Variants in CHRM2 observed in about 807,000 individuals in gnomAD.
CHRM2 encodes the protein muscarinic acetylcholine receptor M2.
A neutral mutation model predicts 25.0 loss-of-function variants in CHRM2; 8 were observed. The observed-to-expected ratio is 0.32, with a 90% CI of 0.19 to 0.58. CHRM2 has a LOEUF of 0.58. Ranked by LOEUF, CHRM2 falls within the 20% of genes least tolerant of loss-of-function variation. The probability of loss-of-function intolerance (pLI) is 0.88; values close to 1 mark genes in which losing one functional copy is unlikely to be tolerated. For missense variants in CHRM2, 440 were observed against 567.1 expected, an observed-to-expected ratio of 0.78 and a Z score of 2.28; for synonymous variants, 202 against 205.7, an observed-to-expected ratio of 0.98 and a Z score of 0.15.
At chr7:136,919,475 C>T (rs1346373009) in intron 2 of CHRM2, among the ~76,000 whole-genome samples, 3 of 152,116 alleles carry the variant, frequency 2.0e-5, no homozygotes, top group African/African-American at 7.2e-5. Context: ...CGAATATGCT[C>T]TTACTAACTT....
intron 2 of CHRM2, among the ~76,000 whole-genome samples, chr7:136,927,918 GA>G (rs1230258371): frequency 2.0e-5 from 3 of 152,128 alleles, no homozygotes; most frequent in Non-Finnish European, 2.9e-5. Context: ...ACAGAATTAT[GA>G]AATTTGGAGT....
At chr7:136,886,174 T>C (rs1456285878) in intron 2 of CHRM2, among the ~76,000 whole-genome samples, 1 of 152,200 alleles carries the variant, frequency 6.6e-6, no homozygotes, top group Non-Finnish European at 1.5e-5. Flanking sequence ...GAATCACAGG[T>C]AGATTGTTAG....
chr7:136,985,434 C>T (rs1265926956), intron 2 of CHRM2, among the ~76,000 whole-genome samples: 2 of 143,006 alleles, frequency 1.4e-5, no homozygotes, highest in South Asian at 2.3e-4. Flanking sequence ...CGCTTGAACC[C>T]GGCAGGCGAA....
At chr7:136,883,354 T>C (rs940443729) in intron 2 of CHRM2, among the ~76,000 whole-genome samples, 1 of 152,192 alleles carries the variant, frequency 6.6e-6, no homozygotes. Context: ...TGTGTCATTG[T>C]TAGTTTACCC....
chr7:136,911,563 A>C (rs1023182217), intron 2 of CHRM2, among the ~76,000 whole-genome samples: 2 of 151,948 alleles, frequency 1.3e-5, no homozygotes, highest in Non-Finnish European at 2.9e-5. Flanking sequence ...ATCTTCACGT[A>C]CATACTGGGT....
intron 2 of CHRM2, among the ~76,000 whole-genome samples, chr7:136,985,981 A>T (rs1403148642): frequency 1.3e-5 from 2 of 152,184 alleles, no homozygotes; most frequent in Non-Finnish European, 2.9e-5. Flanking sequence ...GGAGAGGGGG[A>T]TCTTAAGCAT....
chr7:136,889,753 A>C (rs1018291957), intron 2 of CHRM2, among the ~76,000 whole-genome samples: 4 of 152,244 alleles, frequency 2.6e-5, no homozygotes, highest in African/African-American at 9.6e-5. Flanking sequence ...TTAGATTCAG[A>C]TAGAACCTCC....
At chr7:136,992,855 G>A (rs955662554) in intron 3 of CHRM2, among the ~76,000 whole-genome samples, 21 of 152,046 alleles carry the variant, frequency 1.4e-4, no homozygotes, top group Non-Finnish European at 2.9e-5. Context: ...CACAGGAGTT[G>A]GTGTTGCAAT....
chr7:136,902,267 C>A (rs1033485315), intron 2 of CHRM2: 3 of 151,930 alleles, frequency 2.0e-5, no homozygotes, highest in Non-Finnish European at 4.4e-5. Context: ...ATCCACCTAG[C>A]TATCCTTCTA....
chr7:136,972,641 A>G (rs1234846277), intron 2 of CHRM2, among the ~76,000 whole-genome samples: 3 of 152,342 alleles, frequency 2.0e-5, no homozygotes, highest in Middle Eastern at 3.4e-3. Flanking sequence ...GCTTGTGACC[A>G]ATGTCTGCAT....
At chr7:136,926,800 C>T (rs1798774463) in intron 2 of CHRM2, among the ~76,000 whole-genome samples, 1 of 152,176 alleles carries the variant, frequency 6.6e-6, no homozygotes, top group Non-Finnish European at 1.5e-5. Context: ...GCTTGCAATG[C>T]CTCCTGATGG....
chr7:136,964,396 T>C (rs1354956602), intron 2 of CHRM2, among the ~76,000 whole-genome samples: 3 of 152,182 alleles, frequency 2.0e-5, no homozygotes, highest in Admixed American at 6.6e-5. Context: ...TAAACTTCTA[T>C]GACCTCTGGA....
rs114451684 is a variant in CHRM2, at chr7:136,989,898, G to A, written c.-124-2289G>A. Among the ~76,000 whole-genome samples, 1,151 of 152,100 alleles carry A rather than the reference G, an allele frequency of 7.6e-3. 13 individuals are homozygous for A. The highest frequency in any genetic ancestry group is 0.026 in the African/African-American group (1,090 of 41,530). On this transcript the variant is annotated intron_variant, in intron 2 of 3. Coordinates refer to ENST00000680005, the MANE Select transcript of CHRM2 (RefSeq NM_001006630.2). ...TGAGTTTCTTAAGCAGAGCGCATACGTTTTCAACAGTTCAACTTCTTTCTG... is the reference window on the plus strand; with the variant it reads ...TGAGTTTCTTAAGCAGAGCGCATACATTTTCAACAGTTCAACTTCTTTCTG...
chr7:136,893,246 C>T (rs1008868356), intron 2 of CHRM2, among the ~76,000 whole-genome samples: 1 of 152,084 alleles, frequency 6.6e-6, no homozygotes, highest in Non-Finnish European at 1.5e-5. Context: ...TTCCCTAATC[C>T]GGTGGTCTTT....
Position 136,892,538 on chromosome 7 carries a change from T to C in CHRM2, c.-125+23120T>C, listed in dbSNP as rs117674000. On this transcript the variant is annotated intron_variant, in intron 2 of 3. Coordinates refer to ENST00000680005, the MANE Select transcript of CHRM2 (RefSeq NM_001006630.2). Reference sequence around the variant, plus strand: ...AAAACAACCAAAGCAAACAAACAGGTGTTAATGAGTTCATTTGGGCCCAAG... The same window carrying C: ...AAAACAACCAAAGCAAACAAACAGGCGTTAATGAGTTCATTTGGGCCCAAG... 2.9e-3 allele frequency among the ~76,000 whole-genome samples: 435 copies of C among 152,016 alleles called. 3 individuals carry two copies. The highest frequency in any genetic ancestry group is 6.2e-3 in the South Asian group (30 of 4,802).
chr7:136,898,360 A>C lies in CHRM2; in HGVS notation c.-125+28942A>C, dbSNP rs28716163. Among the ~76,000 whole-genome samples, 830 of 152,230 alleles carry C rather than the reference A, an allele frequency of 5.5e-3. 3 individuals are homozygous for C. Among genetic ancestry groups the C allele is most frequent in the African/African-American group, 0.019 (806 of 41,580 alleles). On this transcript the variant is annotated intron_variant, in intron 2 of 3. Transcript: ENST00000680005. ...ATGCCCAATGACAAGCACTAAATACAACTAGCAGAAGAAATTGTTTAGGCT... is the reference window on the plus strand; with the variant it reads ...ATGCCCAATGACAAGCACTAAATACCACTAGCAGAAGAAATTGTTTAGGCT...
intron 2 of CHRM2, among the ~76,000 whole-genome samples, chr7:136,913,800 T>C (rs1244204821): frequency 2.6e-5 from 4 of 151,970 alleles, no homozygotes; most frequent in Non-Finnish European, 5.9e-5. Flanking sequence ...ATCAAAGGTG[T>C]AGATGGACAT....
At chr7:136,944,625 A>G (rs1799965757) in intron 2 of CHRM2, among the ~76,000 whole-genome samples, 1 of 152,126 alleles carries the variant, frequency 6.6e-6, no homozygotes, top group Non-Finnish European at 1.5e-5. Flanking sequence ...TTGTGCTGCT[A>G]TAAACATTTC....
chr7:137,011,359 T>C (rs1040995560), intron 3 of CHRM2, among the ~76,000 whole-genome samples: 1 of 151,682 alleles, frequency 6.6e-6, no homozygotes, highest in Non-Finnish European at 1.5e-5. Context: ...ACTAGGGAAG[T>C]GGATGGTGTA....
Sources: gnomAD v4.1 joint callset for allele counts (sites outside exome capture counted in the v4.1 genomes callset) on GRCh38, gnomAD v4.1.1 for gene constraint, MANE v1.5 for transcripts, NCBI Gene and HGNC (gene_info 2026-07-23, HGNC 2026-07-21) for gene names.